Variants in ZNF385D observed in about 807,000 individuals in gnomAD.
The protein encoded by ZNF385D is zinc finger protein 659.
Under a neutral mutation model 35.8 loss-of-function variants are expected in ZNF385D, and 15 were observed. That is an observed-to-expected ratio of 0.42 (90% CI 0.28 to 0.64). ZNF385D has a LOEUF of 0.64. Ranked by LOEUF, ZNF385D falls within the 30% of genes least tolerant of loss-of-function variation. The probability of loss-of-function intolerance (pLI) is 0.23; values close to 1 mark genes in which losing one functional copy is unlikely to be tolerated. For missense variants in ZNF385D, 474 were observed against 494.6 expected (o/e 0.96, Z 0.39); for synonymous variants, 212 against 186.8 (o/e 1.13, Z -1.10).
intron 3 of ZNF385D, among the ~76,000 whole-genome samples, chr3:22,124,820 C>G (rs1454315496): frequency 6.6e-6 from 1 of 151,982 alleles, no homozygotes; most frequent in Non-Finnish European, 1.5e-5. Flanking sequence ...TTATTAGTTT[C>G]TTGTCAGATG....
At chr3:22,255,998 T>G (rs1249503993) in intron 2 of ZNF385D, among the ~76,000 whole-genome samples, 1 of 151,750 alleles carries the variant, frequency 6.6e-6, no homozygotes, top group East Asian at 1.9e-4. Flanking sequence ...TCTATTCAGC[T>G]GTCAGTGCTG....
At chr3:21,669,535 C>T (rs2066499503) in intron 1 of ZNF385D, among the ~76,000 whole-genome samples, 1 of 152,116 alleles carries the variant, frequency 6.6e-6, no homozygotes. Context: ...AAGACACATT[C>T]ATTTCAGAAG....
chr3:21,905,096 T>C (rs1699606138), intron 3 of ZNF385D, among the ~76,000 whole-genome samples: 1 of 150,756 alleles, frequency 6.6e-6, no homozygotes, highest in African/African-American at 2.4e-5. Flanking sequence ...GAAATAATGA[T>C]ATGTATTAGA....
At chr3:22,047,674 T>A (rs1283586536) in intron 3 of ZNF385D, among the ~76,000 whole-genome samples, 1 of 152,156 alleles carries the variant, frequency 6.6e-6, no homozygotes, top group Non-Finnish European at 1.5e-5. Flanking sequence ...TGATTTCGTA[T>A]CTTAGCTATT....
At chr3:21,455,435 A>C (rs915786077) in intron 4 of ZNF385D, among the ~76,000 whole-genome samples, 4 of 152,190 alleles carry the variant, frequency 2.6e-5, no homozygotes, top group African/African-American at 4.8e-5. Context: ...AATACCACAC[A>C]TCTACAACCA....
intron 4 of ZNF385D, among the ~76,000 whole-genome samples, chr3:21,477,706 C>T (rs762716593): frequency 2.0e-5 from 3 of 152,128 alleles, no homozygotes; most frequent in East Asian, 1.9e-4. Flanking sequence ...TTCATTCCTG[C>T]TCCACTGTTT....
chr3:21,780,723 G>A (rs912886204), intron 3 of ZNF385D, among the ~76,000 whole-genome samples: 2 of 151,978 alleles, frequency 1.3e-5, no homozygotes, highest in Non-Finnish European at 2.9e-5. Context: ...GAACCTGCAT[G>A]GGGCTACTGA....
chr3:22,105,180 A>C (rs796667482), intron 3 of ZNF385D, among the ~76,000 whole-genome samples: 15 of 152,230 alleles, frequency 9.9e-5, no homozygotes, highest in African/African-American at 3.4e-4. Flanking sequence ...GAAGGGATAT[A>C]ATCTTCTGTA....
At chr3:21,744,727 G>A (rs1352453407) in intron 1 of ZNF385D, among the ~76,000 whole-genome samples, 6 of 151,702 alleles carry the variant, frequency 4.0e-5, no homozygotes, top group Admixed American at 1.3e-4. Flanking sequence ...AGTTAACACC[G>A]GCTTTACACT....
intron 3 of ZNF385D, among the ~76,000 whole-genome samples, chr3:21,826,652 C>T (rs1694653336): frequency 6.6e-6 from 1 of 152,034 alleles, no homozygotes; most frequent in Non-Finnish European, 1.5e-5. Context: ...ACAGAGCAGG[C>T]ACTCTAAGGG....
intron 2 of ZNF385D, among the ~76,000 whole-genome samples, chr3:21,647,772 T>C (rs1365472329): frequency 6.6e-6 from 1 of 152,206 alleles, no homozygotes; most frequent in Non-Finnish European, 1.5e-5. Context: ...GGTTAACAAC[T>C]GCCTACATTT....
At chr3:21,684,407 CT>C (rs1361850385) in intron 1 of ZNF385D, among the ~76,000 whole-genome samples, 46 of 50,868 alleles carry the variant, frequency 9.0e-4, no homozygotes, top group South Asian at 9.0e-3. Context: ...TCTCTCTCCT[CT>C]CTCTCTCTCT....
At chr3:21,470,351 C>T (rs142147129) in intron 4 of ZNF385D, among the ~76,000 whole-genome samples, 88 of 152,248 alleles carry the variant, frequency 5.8e-4, no homozygotes, top group African/African-American at 2.0e-3. Context: ...CCCAAATTCA[C>T]TAGCATTGTT....
chr3:21,424,299 ATTTATATATATATATATATTTT>A (rs1408163592), intron 6 of ZNF385D, among the ~76,000 whole-genome samples: 1 of 80,214 alleles, frequency 1.2e-5, no homozygotes, highest in African/African-American at 4.8e-5. Flanking sequence ...ATATATATAT[ATTTATATATATATATATATTTT>A]TTTTTTTTTT....
At chr3:22,164,504 G>C (rs1024447305) in intron 3 of ZNF385D, among the ~76,000 whole-genome samples, 1 of 151,816 alleles carries the variant, frequency 6.6e-6, no homozygotes, top group East Asian at 1.9e-4. Flanking sequence ...TAGGATTACA[G>C]GCATGAGCCA....
At chr3:21,810,317 A>C (rs1281503672) in intron 3 of ZNF385D, among the ~76,000 whole-genome samples, 1 of 151,974 alleles carries the variant, frequency 6.6e-6, no homozygotes, top group African/African-American at 2.4e-5. Flanking sequence ...TTCACGATAA[A>C]AAGAAAGATA....
chr3:21,542,160 C>T (rs2062194838), intron 3 of ZNF385D, among the ~76,000 whole-genome samples: 1 of 152,104 alleles, frequency 6.6e-6, no homozygotes, highest in Non-Finnish European at 1.5e-5. Flanking sequence ...CACTTATTTA[C>T]TTCCCTTTAA....
At chr3:21,706,418 T>A (rs2067901268) in intron 1 of ZNF385D, among the ~76,000 whole-genome samples, 2 of 152,166 alleles carry the variant, frequency 1.3e-5, no homozygotes, top group Admixed American at 1.3e-4. Context: ...AGTACATCTT[T>A]TGGTAAAAAC....
chr3:21,767,001 C>A (rs1182863523), intron 3 of ZNF385D, among the ~76,000 whole-genome samples: 2 of 152,014 alleles, frequency 1.3e-5, no homozygotes, highest in Non-Finnish European at 2.9e-5. Context: ...AATATAAGGT[C>A]TTTTCAAATG....
Sources: allele counts gnomAD v4.1 joint callset (sites outside exome capture counted in the v4.1 genomes callset), GRCh38; gene constraint gnomAD v4.1.1; transcripts MANE v1.5; gene names NCBI Gene and HGNC (gene_info 2026-07-23, HGNC 2026-07-21).